Variants in ATP8A1 observed in about 807,000 individuals in gnomAD.
The protein encoded by ATP8A1 is ATPase phospholipid transporting 8A1.
In ATP8A1, 90 loss-of-function variants were observed where a neutral mutation model predicts 177.7. The observed-to-expected ratio is 0.51, with a 90% confidence interval of 0.43 to 0.60. The LOEUF is 0.60. ATP8A1 is among the 20% of genes least tolerant of loss of function. The pLI, the probability that ATP8A1 is intolerant of heterozygous loss-of-function variation, is 0.00. For synonymous variants in ATP8A1, 493 were observed against 485.9 expected, an observed-to-expected ratio of 1.01 and a Z score of -0.19; for missense variants, 1,072 against 1,392.8, an observed-to-expected ratio of 0.77 and a Z score of 3.67.
rs1016298737 is a variant in ATP8A1, at chr4:42,578,146, T to C, written c.1128+114A>G. On this transcript the variant is annotated intron_variant, in intron 12 of 36. Transcript: ENST00000381668. ...CAACAAATTAGGTTCAAAAATCTGA[T>C]ACTGTGGTCAAGAAACGGTAGATAT... The C allele has an allele frequency of 4.9e-6, 5 of 1,011,408 alleles. No homozygotes were observed. In the African/African-American group the frequency reaches 5.1e-5, roughly 10 times the overall value. 62.7% of individuals were successfully genotyped at this position (1,011,408 alleles called of 1,614,324 possible).
intron 30 of ATP8A1, among the ~76,000 whole-genome samples, chr4:42,447,248 A>G (rs1717376832): frequency 6.6e-6 from 1 of 152,064 alleles, no homozygotes; most frequent in Non-Finnish European, 1.5e-5. Flanking sequence ...CAGTGGCGTG[A>G]TCTCGGCTCA....
In ATP8A1 at chr4:42,444,751, T is replaced by A. The variant is rs1717026460; in HGVS notation, c.2959-117A>T. On this transcript the variant is annotated intron_variant, in intron 31 of 36. Transcript: ENST00000381668. ...TGTAACTATGGGACTAGGAGACTGC[T>A]GCTTGCTTTGTATATCCAACCAGCA... The A allele has an allele frequency of 4.8e-6, 5 of 1,035,284 alleles. No individual in the cohort carries two copies. In the Admixed American group the frequency reaches 1.1e-4, roughly 22 times the overall value. 64.1% of individuals were successfully genotyped at this position (1,035,284 alleles called of 1,614,324 possible).
At chr4:42,580,522 C>A (rs1732926201) in intron 10 of ATP8A1, among the ~76,000 whole-genome samples, 1 of 152,182 alleles carries the variant, frequency 6.6e-6, no homozygotes, top group African/African-American at 2.4e-5. Flanking sequence ...CAAGTTGCCT[C>A]AGTTGTATTT....
At position 42,593,042 on chromosome 4, in the gene ATP8A1, G is replaced by A. The variant is rs1308022571; in HGVS notation, c.451-2158C>T. On this transcript the variant is annotated intron_variant, in intron 6 of 36. Transcript: ENST00000381668. ...ATCAATTTAAACAAAAAGAATTGGGGAATATTGGAATTTGATCATTTAATC... is the reference window on the plus strand; with the variant it reads ...ATCAATTTAAACAAAAAGAATTGGGAAATATTGGAATTTGATCATTTAATC... 4.6e-5 allele frequency among the ~76,000 whole-genome samples: 7 copies of A among 152,010 alleles called. No individual in the cohort carries two copies. In the East Asian group the frequency reaches 1.3e-3, roughly 29 times the overall value.
intron 15 of ATP8A1, among the ~76,000 whole-genome samples, chr4:42,565,008 T>A (rs761255919): frequency 2.9e-4 from 44 of 152,200 alleles, no homozygotes; most frequent in Non-Finnish European, 5.3e-4. Flanking sequence ...GGAGTTTTCC[T>A]GCACAAGCTC....
chr4:42,581,427 C>T (rs985823759), intron 10 of ATP8A1, among the ~76,000 whole-genome samples, 194 bp downstream of exon 10: 2 of 152,186 alleles, frequency 1.3e-5, no homozygotes, highest in African/African-American at 2.4e-5. Context: ...GCCACCGCGC[C>T]CAGCCCAAGC....
Position 42,575,683 on chromosome 4 carries a change from T to A in ATP8A1, c.1145A>T (p.Tyr382Phe). The A allele has an allele frequency of 6.2e-7, 1 of 1,613,490 alleles. No individual in the cohort carries two copies. Among genetic ancestry groups the A allele is most frequent in the Non-Finnish European group, 8.5e-7 (1 of 1,179,568 alleles). Reference sequence around the variant, plus strand: ...CATAGCAGCAGTGTCTGTGGGTTCATAGTGCATGTCAAGATCCTTTAATAA... The same window carrying A: ...CATAGCAGCAGTGTCTGTGGGTTCAAAGTGCATGTCAAGATCCTTTAATAA... ...YFINWDLDMH[Y>F]EPTDTAAMAR... The change falls in exon 13 of 37, where the codon TAT (tyrosine) becomes TTT (phenylalanine). Residue 382 changes from tyrosine (Y) to phenylalanine (F), a missense_variant. By Grantham distance (22) the Tyr-to-Phe change is conservative. Coordinates refer to ENST00000381668, the MANE Select transcript of ATP8A1 (RefSeq NM_006095.2).
At chr4:42,600,323 ATGTGAC>A (rs1735118718) in intron 6 of ATP8A1, among the ~76,000 whole-genome samples, 149 bp downstream of exon 6, 2 of 152,254 alleles carry the variant, frequency 1.3e-5, no homozygotes, top group Admixed American at 6.5e-5. Context: ...TATTAAATGA[ATGTGAC>A]TGAAGATGCC....
intron 25 of ATP8A1, among the ~76,000 whole-genome samples, chr4:42,469,340 G>C (rs757026726): frequency 6.6e-6 from 1 of 152,136 alleles, no homozygotes; most frequent in Non-Finnish European, 1.5e-5. Flanking sequence ...AAGCCGAAGA[G>C]CATGTACACA....
intron 33 of ATP8A1, among the ~76,000 whole-genome samples, chr4:42,429,605 T>G (rs980624119): frequency 6.6e-6 from 1 of 152,236 alleles, no homozygotes; most frequent in Non-Finnish European, 1.5e-5. Context: ...TCAAGTCATC[T>G]TTGTTTCCCC....
intron 14 of ATP8A1, among the ~76,000 whole-genome samples, chr4:42,570,309 T>A (rs1054473093): frequency 2.0e-5 from 3 of 152,234 alleles, no homozygotes; most frequent in African/African-American, 7.2e-5. Flanking sequence ...GAAGGGCTAA[T>A]CAAGCCCTTT....
chr4:42,546,583 A>T (rs1243746464), intron 19 of ATP8A1, among the ~76,000 whole-genome samples: 4 of 68,104 alleles, frequency 5.9e-5, no homozygotes, highest in Non-Finnish European at 1.2e-4. Context: ...AAGTATAATA[A>T]AAAAAAAAAA....
At chr4:42,622,852 A>G (rs552513234) in intron 4 of ATP8A1, among the ~76,000 whole-genome samples, 1 of 152,204 alleles carries the variant, frequency 6.6e-6, no homozygotes, top group East Asian at 1.9e-4. Context: ...AGTACTAATA[A>G]TACAAAATTA....
intron 14 of ATP8A1, among the ~76,000 whole-genome samples, chr4:42,572,626 T>C (rs1490725805): frequency 6.6e-6 from 1 of 152,162 alleles, no homozygotes; most frequent in Non-Finnish European, 1.5e-5. Context: ...TTAACTAGCT[T>C]TACTCTACAT....
intron 20 of ATP8A1, 85 bp downstream of exon 20, chr4:42,543,832 T>A: frequency 1.1e-6 from 1 of 943,678 alleles, no homozygotes; most frequent in South Asian, 1.7e-5. Flanking sequence ...GTTAAACATC[T>A]GTGTTACATT....
Position 42,522,206 on chromosome 4 carries a change from T to C in ATP8A1, c.1901A>G (p.Gln634Arg), listed in dbSNP as rs1026723682. 1 of 1,613,694 alleles carries C rather than the reference T, an allele frequency of 6.2e-7. No individual in the cohort carries two copies. The highest frequency in any genetic ancestry group is 8.5e-7 in the Non-Finnish European group (1 of 1,179,868). Residue 634 changes from glutamine to arginine, a missense_variant, in exon 22 of 37, where the codon CAG (glutamine) becomes CGG (arginine). Physicochemically the swap from Gln to Arg is conservative, Grantham distance 43. Coordinates refer to ENST00000381668, the MANE Select transcript of ATP8A1 (RefSeq NM_006095.2). ...AVYQRASTSV[Q>R]NRLLKLEESY... ...CTCTTCGAGTTTGAGTAGCCTGTTC[T>C]GCACAGATGTAGATGCTCGCTGATA... is the stretch of plus-strand genomic sequence containing the variant.
chr4:42,647,230 T>C (rs1740628579), intron 1 of ATP8A1, among the ~76,000 whole-genome samples: 1 of 152,222 alleles, frequency 6.6e-6, no homozygotes, highest in Non-Finnish European at 1.5e-5. Context: ...ACATATGTAT[T>C]TCTAACAAGC....
At chr4:42,448,595 A>C (rs1717565239) in intron 30 of ATP8A1, among the ~76,000 whole-genome samples, 1 of 150,706 alleles carries the variant, frequency 6.6e-6, no homozygotes, top group African/African-American at 2.4e-5. Flanking sequence ...ACGGGGTTTC[A>C]CCAGGTTGGC....
intron 24 of ATP8A1, among the ~76,000 whole-genome samples, chr4:42,502,600 T>C (rs139353272): frequency 3.6e-4 from 55 of 152,308 alleles, no homozygotes; most frequent in African/African-American, 1.2e-3. Flanking sequence ...GAGACAGCTC[T>C]GATTTCCTTC....
Sources: gnomAD v4.1 joint callset for allele counts (sites outside exome capture counted in the v4.1 genomes callset) on GRCh38, gnomAD v4.1.1 for gene constraint, MANE v1.5 for transcripts, NCBI Gene and HGNC (gene_info 2026-07-23, HGNC 2026-07-21) for gene names.